ITSN2: variants seen among roughly 807,000 people sequenced by gnomAD.
ITSN2 encodes intersectin 2, also known as intersectin-2.
A neutral mutation model predicts 243.7 loss-of-function variants in ITSN2; 156 were observed. That is an observed-to-expected ratio of 0.64 (90% CI 0.56 to 0.73). The LOEUF (loss-of-function observed/expected upper bound fraction) is 0.73, where lower values mean the gene tolerates loss of function less well. Ranked by LOEUF, ITSN2 falls within the 30% of genes least tolerant of loss-of-function variation. ITSN2 has a pLI of 0.00. For missense variants in ITSN2, 1,801 were observed against 1,996.1 expected (o/e 0.90, Z 1.86); for synonymous variants, 703 against 699.9 (o/e 1.00, Z -0.07).
chr2:24,227,904 A>G (rs2151186692), intron 29 of ITSN2, among the ~76,000 whole-genome samples: 1 of 152,288 alleles, frequency 6.6e-6, no homozygotes, highest in African/African-American at 2.4e-5. Context: ...GAAAAAAAAG[A>G]TGGAAAACAT....
At chr2:24,296,806 T>A (rs1384226918) in intron 13 of ITSN2, among the ~76,000 whole-genome samples, 2 of 152,226 alleles carry the variant, frequency 1.3e-5, no homozygotes, top group African/African-American at 2.4e-5. Flanking sequence ...AACTTACTGA[T>A]GATGAAAAGT....
At chr2:24,231,074 C>T (rs1273687508) in intron 29 of ITSN2, among the ~76,000 whole-genome samples, 2 of 152,186 alleles carry the variant, frequency 1.3e-5, no homozygotes, top group African/African-American at 4.8e-5. Context: ...CACACCCCTC[C>T]AGTCTCTGCC....
At chr2:24,302,591 C>G (rs1341980904) in intron 9 of ITSN2, among the ~76,000 whole-genome samples, 1 of 152,136 alleles carries the variant, frequency 6.6e-6, no homozygotes, top group Non-Finnish European at 1.5e-5. Context: ...ACGTAACTCA[C>G]TATTGAATGT....
intron 29 of ITSN2, among the ~76,000 whole-genome samples, chr2:24,222,207 G>A (rs1478727270): frequency 3.7e-5 from 5 of 134,610 alleles, no homozygotes; most frequent in Non-Finnish European, 4.6e-5. Context: ...AGCCGAGATC[G>A]CACCACTGCA....
chr2:24,246,192 C>A lies in ITSN2; in HGVS notation c.3514G>T (p.Val1172Leu), dbSNP rs561453795. The A allele has an allele frequency of 6.2e-7, 1 of 1,613,358 alleles. No homozygotes were observed. The highest frequency in any genetic ancestry group is 1.1e-5 in the South Asian group (1 of 91,066). Residue 1172 changes from valine to leucine, a missense_variant, in exon 29 of 40, where the codon GTG becomes TTG. Coordinates refer to ENST00000355123, the MANE Select transcript of ITSN2 (RefSeq NM_006277.3). ...PDWWQGEING[V>L]TGLFPSNYVK... Reference sequence around the variant, plus strand: ...TAGTTTGAAGGAAAGAGACCAGTCACCCCGTTGATCTCTCCTTGCCACCAA... The same window carrying A: ...TAGTTTGAAGGAAAGAGACCAGTCAACCCGTTGATCTCTCCTTGCCACCAA...
chr2:24,264,534 C>T (rs1475598530), intron 20 of ITSN2, among the ~76,000 whole-genome samples: 1 of 152,140 alleles, frequency 6.6e-6, no homozygotes, highest in Non-Finnish European at 1.5e-5. Flanking sequence ...CATTTGACAT[C>T]ATATTTTACC....
At chr2:24,227,311 C>T (rs927637564) in intron 29 of ITSN2, among the ~76,000 whole-genome samples, 1 of 133,752 alleles carries the variant, frequency 7.5e-6, no homozygotes, top group East Asian at 2.2e-4. Flanking sequence ...AAAAAAATTA[C>T]AAAAAACGGG....
chr2:24,334,932 G>T lies in ITSN2; in HGVS notation c.-33-6817C>A, dbSNP rs948538407. Among the ~76,000 whole-genome samples the T allele has an allele frequency of 2.6e-5, 4 of 151,182 alleles. No individual in the cohort carries two copies. In the East Asian group the frequency reaches 7.8e-4, roughly 29 times the overall value. On this transcript the variant is annotated intron_variant, in intron 1 of 39. Transcript: ENST00000355123. ...CAAAAAATTAGCCGGGCGTGGTAGC[G>T]GGCGCCTGTAGTCCCAGCTACTCGG...
chr2:24,319,533 T>A (rs1684306445), intron 2 of ITSN2, among the ~76,000 whole-genome samples: 1 of 151,986 alleles, frequency 6.6e-6, no homozygotes, highest in Non-Finnish European at 1.5e-5. Context: ...CTTCCAGAGG[T>A]CTTCCCCCAC....
chr2:24,229,358 G>C (rs1274058881), intron 29 of ITSN2, among the ~76,000 whole-genome samples: 1 of 152,166 alleles, frequency 6.6e-6, no homozygotes, highest in Non-Finnish European at 1.5e-5. Context: ...GGAGGTCGAG[G>C]TGGGCAGATC....
At chr2:24,240,144 T>C (rs1026884977) in intron 29 of ITSN2, 2 of 152,090 alleles carry the variant, frequency 1.3e-5, no homozygotes, top group African/African-American at 4.8e-5. Context: ...CCAAATAATG[T>C]GGCTGATTAA....
At position 24,344,905 on chromosome 2, in the gene ITSN2, T is replaced by C. The variant is rs555282689; in HGVS notation, c.-34+15399A>G. On this transcript the variant is annotated intron_variant, in intron 1 of 39. Coordinates refer to ENST00000355123, the MANE Select transcript of ITSN2 (RefSeq NM_006277.3). Reference sequence around the variant, plus strand: ...AGGCAGAGGTTGCAGTGAGCCCAGATTGCGCCAGTGCATTCCAGCCTGGAT... The same window carrying C: ...AGGCAGAGGTTGCAGTGAGCCCAGACTGCGCCAGTGCATTCCAGCCTGGAT... 2.6e-3 allele frequency among the ~76,000 whole-genome samples: 403 copies of C among 152,308 alleles called. 2 individuals are homozygous for C. Among genetic ancestry groups the C allele is most frequent in the African/African-American group, 8.7e-3 (363 of 41,564 alleles).
chr2:24,345,359 CCTCA>C (rs1417327518), intron 1 of ITSN2, among the ~76,000 whole-genome samples: 1 of 152,166 alleles, frequency 6.6e-6, no homozygotes, highest in Non-Finnish European at 1.5e-5. Flanking sequence ...TTCTTTATTA[CCTCA>C]CTCACAGTAC....
chr2:24,250,161 T>C (rs1178830195), intron 25 of ITSN2, among the ~76,000 whole-genome samples: 1 of 152,248 alleles, frequency 6.6e-6, no homozygotes, highest in East Asian at 1.9e-4. Context: ...TTGTGCTGCA[T>C]ACTAAAGTAT....
At chr2:24,285,354 T>C (rs1008069147) in intron 16 of ITSN2, among the ~76,000 whole-genome samples, 61 of 152,230 alleles carry the variant, frequency 4.0e-4, no homozygotes, top group African/African-American at 1.4e-3. Context: ...TCCCTTTCCT[T>C]ACCTGAAGCC....
chr2:24,325,738 C>T (rs1685094950), intron 2 of ITSN2, among the ~76,000 whole-genome samples: 1 of 152,214 alleles, frequency 6.6e-6, no homozygotes, highest in African/African-American at 2.4e-5. Flanking sequence ...TAACTCATCA[C>T]TGATATTGAA....
chr2:24,252,519 G>A lies in ITSN2; in HGVS notation c.2954-8C>T, dbSNP rs1398534854. The A allele has an allele frequency of 1.9e-6, 3 of 1,586,274 alleles. No homozygotes were observed. Among genetic ancestry groups the A allele is most frequent in the Admixed American group, 1.8e-5 (1 of 56,248 alleles). Reference sequence around the variant, plus strand: ...GATAAAGTGCAATATATTCTGTAGGGAACAAAGCAAAAAGAAGTAGATTCT... The same window carrying A: ...GATAAAGTGCAATATATTCTGTAGGAAACAAAGCAAAAAGAAGTAGATTCT... On this transcript the variant is annotated splice_polypyrimidine_tract_variant and splice_region_variant and intron_variant, in intron 24 of 39. Transcript: ENST00000355123.
intron 29 of ITSN2, chr2:24,238,817 C>T (rs1672442393): frequency 6.6e-6 from 1 of 152,054 alleles, no homozygotes; most frequent in Admixed American, 6.5e-5. Context: ...GGCCTGTTCT[C>T]ATGAGACTAC....
At chr2:24,218,566 A>C (rs1670170983) in intron 30 of ITSN2, among the ~76,000 whole-genome samples, 1 of 152,214 alleles carries the variant, frequency 6.6e-6, no homozygotes, top group Admixed American at 6.5e-5. Flanking sequence ...TGATATGTAC[A>C]AATATGCAGA....
Sources: allele counts gnomAD v4.1 joint callset (sites outside exome capture counted in the v4.1 genomes callset), GRCh38; gene constraint gnomAD v4.1.1; transcripts MANE v1.5; gene names NCBI Gene and HGNC (gene_info 2026-07-23, HGNC 2026-07-21).